Variants in ZNF407 observed in about 807,000 individuals in gnomAD.
ZNF407 encodes zinc finger protein 407.
In ZNF407, 17 loss-of-function variants were observed where a neutral mutation model predicts 131.2. The observed-to-expected ratio is 0.13, with a 90% CI of 0.09 to 0.19. The LOEUF (loss-of-function observed/expected upper bound fraction) is 0.19. ZNF407 is among the 10% of genes least tolerant of loss of function. The pLI is 1.00. For synonymous variants in ZNF407, 1,156 were observed against 1,062.0 expected, an observed-to-expected ratio of 1.09 and a Z score of -1.72; for missense variants, 2,681 against 2,830.6, an observed-to-expected ratio of 0.95 and a Z score of 1.20.
At chr18:74,730,284 T>C (rs900836822) in intron 3 of ZNF407, among the ~76,000 whole-genome samples, 3 of 152,198 alleles carry the variant, frequency 2.0e-5, no homozygotes, top group African/African-American at 7.2e-5. Flanking sequence ...TGTAATGGCT[T>C]CTCTAGCTTG....
chr18:74,639,517 T>G (rs1207467342), intron 2 of ZNF407, among the ~76,000 whole-genome samples: 1 of 152,212 alleles, frequency 6.6e-6, no homozygotes, highest in Non-Finnish European at 1.5e-5. Flanking sequence ...ATCATTTAAA[T>G]AAACTGTATT....
intron 3 of ZNF407, among the ~76,000 whole-genome samples, chr18:74,715,858 C>A (rs1239638102): frequency 2.0e-5 from 3 of 152,174 alleles, no homozygotes; most frequent in Non-Finnish European, 2.9e-5. Context: ...TTTTCAAATA[C>A]CTGCTTGCTC....
At chr18:74,840,925 A>G (rs1299223322) in intron 4 of ZNF407, among the ~76,000 whole-genome samples, 1 of 152,228 alleles carries the variant, frequency 6.6e-6, no homozygotes, top group African/African-American at 2.4e-5. Flanking sequence ...TTTGGTAAAC[A>G]CATTGATGCT....
intron 3 of ZNF407, among the ~76,000 whole-genome samples, chr18:74,664,271 G>A (rs1229251320): frequency 1.3e-5 from 2 of 152,210 alleles, no homozygotes; most frequent in East Asian, 1.9e-4. Context: ...AGGCCGAGGC[G>A]AGTGGATCAC....
At chr18:74,980,298 T>C (rs955302892) in intron 8 of ZNF407, among the ~76,000 whole-genome samples, 1 of 151,544 alleles carries the variant, frequency 6.6e-6, no homozygotes, top group African/African-American at 2.4e-5. Flanking sequence ...GACACAGTGT[T>C]AATTGCTGAA....
chr18:74,938,075 C>T (rs1035988918), intron 8 of ZNF407, among the ~76,000 whole-genome samples: 3 of 151,974 alleles, frequency 2.0e-5, no homozygotes, highest in Non-Finnish European at 4.4e-5. Flanking sequence ...TCTTTTTTAC[C>T]AATCCCAGCG....
intron 4 of ZNF407, among the ~76,000 whole-genome samples, chr18:74,808,898 A>G (rs1009376097): frequency 2.0e-5 from 3 of 152,144 alleles, no homozygotes; most frequent in South Asian, 2.1e-4. Flanking sequence ...TATCAGAGAC[A>G]TGTTTCTTTT....
At chr18:74,898,724 TTTTC>T (rs1407007934) in intron 7 of ZNF407, among the ~76,000 whole-genome samples, 1 of 152,190 alleles carries the variant, frequency 6.6e-6, no homozygotes, top group Non-Finnish European at 1.5e-5. Flanking sequence ...TGACATGGTA[TTTTC>T]TTTCAGTACA....
intron 4 of ZNF407, among the ~76,000 whole-genome samples, chr18:74,824,868 T>G (rs1425922735): frequency 1.3e-5 from 2 of 152,038 alleles, no homozygotes; most frequent in Non-Finnish European, 2.9e-5. Flanking sequence ...TTTTGTGAGG[T>G]CAACATCATT....
chr18:74,731,123 C>G (rs576360091), intron 3 of ZNF407, among the ~76,000 whole-genome samples: 1 of 152,242 alleles, frequency 6.6e-6, no homozygotes, highest in South Asian at 2.1e-4. Flanking sequence ...TCTTGAAACT[C>G]TGTAGGCTCT....
intron 3 of ZNF407, among the ~76,000 whole-genome samples, chr18:74,705,149 C>A (rs1376025277): frequency 1.8e-5 from 1 of 55,746 alleles, no homozygotes; most frequent in Non-Finnish European, 3.9e-5. Context: ...GAGAAAAATA[C>A]ATTTTTTTTT....
At chr18:75,002,804 C>A (rs1169867820) in intron 8 of ZNF407, among the ~76,000 whole-genome samples, 37 of 109,896 alleles carry the variant, frequency 3.4e-4, no homozygotes, top group African/African-American at 1.0e-3. Context: ...GACTCCGGCT[C>A]AAAAAAAAAA....
At chr18:74,957,022 T>G (rs900211298) in intron 8 of ZNF407, among the ~76,000 whole-genome samples, 4 of 152,180 alleles carry the variant, frequency 2.6e-5, no homozygotes, top group Non-Finnish European at 5.9e-5. Context: ...CAAGTTATAA[T>G]CAGAATGTTG....
intron 7 of ZNF407, among the ~76,000 whole-genome samples, chr18:74,911,654 G>T (rs1019293815): frequency 2.0e-5 from 3 of 152,064 alleles, no homozygotes; most frequent in Middle Eastern, 3.2e-3. Context: ...GGTTCTTTTA[G>T]CCTCCCCCTT....
chr18:74,949,030 A>G (rs1243063562), intron 8 of ZNF407, among the ~76,000 whole-genome samples: 1 of 152,198 alleles, frequency 6.6e-6, no homozygotes, highest in Non-Finnish European at 1.5e-5. Context: ...ACAGCCAGCC[A>G]TGGTGTCCAC....
chr18:74,756,669 A>G (rs1007539181), intron 3 of ZNF407, among the ~76,000 whole-genome samples: 1 of 152,090 alleles, frequency 6.6e-6, no homozygotes, highest in Admixed American at 6.6e-5. Context: ...TATTAATTTG[A>G]ATAGTTTGCT....
chr18:74,917,882 T>G (rs940015422), intron 7 of ZNF407, among the ~76,000 whole-genome samples: 1 of 152,230 alleles, frequency 6.6e-6, no homozygotes, highest in Admixed American at 6.5e-5. Context: ...CCATTCCTGA[T>G]AAACAGTACT....
At chr18:74,692,639 C>CGGT (rs570977471) in intron 3 of ZNF407, among the ~76,000 whole-genome samples, 18 of 152,234 alleles carry the variant, frequency 1.2e-4, no homozygotes, top group Admixed American at 7.2e-4. Context: ...TCTCCCCTAG[C>CGGT]GGTAGCTGAT....
At chr18:74,613,903 A>G (rs548682749) in intron 1 of ZNF407, among the ~76,000 whole-genome samples, 1 of 152,352 alleles carries the variant, frequency 6.6e-6, no homozygotes, top group Non-Finnish European at 1.5e-5. Context: ...TGCCAGTCTA[A>G]CCATCAAATG....
Sources: allele counts gnomAD v4.1 joint callset (sites outside exome capture counted in the v4.1 genomes callset), GRCh38; gene constraint gnomAD v4.1.1; transcripts MANE v1.5; gene names NCBI Gene and HGNC (gene_info 2026-07-23, HGNC 2026-07-21).